ECI2: variants seen among roughly 807,000 people sequenced by gnomAD.
The protein encoded by ECI2 is D3,D2-enoyl-CoA isomerase.
ECI2 carries 27 observed loss-of-function variants against 38.4 expected under a neutral mutation model. That is an observed-to-expected ratio of 0.70 (90% CI 0.52 to 0.97). ECI2 has a LOEUF of 0.97. Ranked by LOEUF, ECI2 falls within the 50% of genes least tolerant of loss-of-function variation. The pLI is 0.00. For missense variants in ECI2, 470 were observed against 474.4 expected (o/e 0.99, Z 0.09); for synonymous variants, 168 against 172.0 (o/e 0.98, Z 0.18).
At chr6:4,130,898 G>A in intron 2 of ECI2, 33 bp from the exon 3 acceptor site, 4 of 1,598,882 alleles carry the variant, frequency 2.5e-6, no homozygotes, top group South Asian at 2.2e-5. Flanking sequence ...ATGTTCAAAT[G>A]TCCATGTAAA....
rs950357544 is a variant in ECI2, at chr6:4,130,368, T to A, written c.501+4A>T. 1.2e-6 allele frequency: 2 copies of A among 1,614,194 alleles called. No homozygotes were observed. Among genetic ancestry groups the A allele is most frequent in the Non-Finnish European group, 8.5e-7 (1 of 1,180,014 alleles). On this transcript the variant is annotated splice_donor_region_variant and intron_variant, in intron 4 of 9. Coordinates refer to ENST00000380118, the MANE Select transcript of ECI2 (RefSeq NM_206836.3). Reference sequence around the variant, plus strand: ...GGACAAACTCCGTGGGCAGGTAACATTACCTCAGTGTTTATGGCATTTTTC... The same window carrying A: ...GGACAAACTCCGTGGGCAGGTAACAATACCTCAGTGTTTATGGCATTTTTC...
chr6:4,119,123 T>C, intron 8 of ECI2, 63 bp downstream of exon 8: 3 of 1,328,108 alleles, frequency 2.3e-6, no homozygotes, highest in South Asian at 2.5e-5. Context: ...GTATATGAGA[T>C]TACTCTTCCT....
chr6:4,129,757 C>A lies in ECI2; in HGVS notation c.501+615G>T, dbSNP rs371285863. 4.1e-4 allele frequency among the ~76,000 whole-genome samples: 63 copies of A among 152,214 alleles called. No individual in the cohort carries two copies. The South Asian group carries it at 0.011, about 28-fold the overall frequency. On this transcript the variant is annotated intron_variant, in intron 4 of 9. Coordinates refer to ENST00000380118, the MANE Select transcript of ECI2 (RefSeq NM_206836.3). The stretch of plus-strand genomic sequence containing the variant: ...CAATGGAGGTTATTGACCCAATGGT[C>A]ATAGTCCTCTGAAATTTTAGTCCCA...
chr6:4,135,330 G>A, intron 1 of ECI2, 181 bp downstream of exon 1: 1 of 1,462,596 alleles, frequency 6.8e-7, no homozygotes, highest in Non-Finnish European at 9.1e-7. Flanking sequence ...GCCCAGCGGT[G>A]CAGGAGGGCG....
At chr6:4,128,463 C>T (rs1773318603) in intron 4 of ECI2, among the ~76,000 whole-genome samples, 2 of 152,144 alleles carry the variant, frequency 1.3e-5, no homozygotes, top group South Asian at 4.2e-4. Flanking sequence ...AAAACAGGTG[C>T]AATTTCAACC....
chr6:4,134,925 C>A lies in ECI2; in HGVS notation c.50+586G>T, dbSNP rs557538624. On this transcript the variant is annotated intron_variant, in intron 1 of 9. Coordinates refer to ENST00000380118, the MANE Select transcript of ECI2 (RefSeq NM_206836.3). ...TCGGGAAAATCACTCATAATTCTAC[C>A]ACTTCAAGGCCACCACCGTGTTTCG... 7.2e-5 allele frequency among the ~76,000 whole-genome samples: 11 copies of A among 152,280 alleles called. 1 individual carries two copies. Among genetic ancestry groups the A allele is most frequent in the African/African-American group, 2.6e-4 (11 of 41,546 alleles).
intron 1 of ECI2, 82 bp from the exon 2 acceptor site, chr6:4,133,793 C>T (rs1471018801): frequency 1.4e-6 from 2 of 1,450,906 alleles, no homozygotes; most frequent in Non-Finnish European, 9.1e-7. Flanking sequence ...CCAGCCTATA[C>T]ATAACAAAAT....
At chr6:4,135,318 G>T (rs531180504) in intron 1 of ECI2, 193 bp downstream of exon 1, 1 of 1,444,184 alleles carries the variant, frequency 6.9e-7, no homozygotes, top group South Asian at 1.3e-5. Context: ...TGACCACTCC[G>T]GGCCCAGCGG....
chr6:4,131,626 G>A (rs1395600425), intron 2 of ECI2, among the ~76,000 whole-genome samples: 1 of 152,172 alleles, frequency 6.6e-6, no homozygotes, highest in East Asian at 1.9e-4. Flanking sequence ...GGAGGCTGAG[G>A]TGGGTGGATC....
chr6:4,119,192 T>A lies in ECI2; in HGVS notation c.879A>T (p.Pro293=). ...TAAACATTCCAAAAGTTACCTTGGC[T>A]GGGCTCATTATCTTCGGAAAAGTGT... ...SSYTFPKIMS[P]AKATEMLIFG... Residue 293 remains proline, a synonymous_variant, in exon 8 of 10, where the codon CCA becomes CCT. Transcript: ENST00000380118. The A allele has an allele frequency of 6.2e-7, 1 of 1,612,094 alleles. No homozygotes were observed. The highest frequency in any genetic ancestry group is 1.1e-5 in the South Asian group (1 of 90,512).
rs549658795 is a variant in ECI2 at position 4,129,573 on chromosome 6, T to A, written c.501+799A>T. Among the ~76,000 whole-genome samples, 12 of 152,332 alleles carry A rather than the reference T, an allele frequency of 7.9e-5. 1 individual carries two copies. Among genetic ancestry groups the A allele is most frequent in the African/African-American group, 2.6e-4 (11 of 41,574 alleles). The stretch of plus-strand genomic sequence containing the variant: ...GAGAGTGCTGGCACTCATTAGACAC[T>A]CTGTACAGAGTAGCTATTATTATTA... On this transcript the variant is annotated intron_variant, in intron 4 of 9. Coordinates refer to ENST00000380118, the MANE Select transcript of ECI2 (RefSeq NM_206836.3).
intron 7 of ECI2, among the ~76,000 whole-genome samples, chr6:4,123,213 G>C (rs1772921142): frequency 6.6e-6 from 1 of 151,688 alleles, no homozygotes; most frequent in Admixed American, 6.6e-5. Context: ...GTCTCGCTCT[G>C]TCACCTAGGC....
chr6:4,121,880 C>A, intron 7 of ECI2: 1 of 818,180 alleles, frequency 1.2e-6, no homozygotes, highest in South Asian at 2.0e-5. Context: ...GCAGCATATA[C>A]ATAAAAATAA....
Position 4,119,552 on chromosome 6 carries a change from C to T in ECI2, c.796-277G>A, listed in dbSNP as rs1203868015. 2.0e-5 allele frequency among the ~76,000 whole-genome samples: 3 copies of T among 152,096 alleles called. No individual in the cohort carries two copies. The East Asian group carries it at 5.8e-4, about 29-fold the overall frequency. ...GCCAGGTTGGTTTCAAACTTCTTAC[C>T]TCAGGTGATCCACCTGCCTCGGCCT... On this transcript the variant is annotated intron_variant, in intron 7 of 9. Transcript: ENST00000380118.
chr6:4,134,992 C>A (rs917892527), intron 1 of ECI2: 3 of 388,604 alleles, frequency 7.7e-6, no homozygotes, highest in Non-Finnish European at 1.6e-5. Flanking sequence ...TTCCCGGGAC[C>A]CCAGGGAGGT....
rs1773450206 is a variant in ECI2 at position 4,130,510 on chromosome 6, T to C, written c.363A>G (p.Ser121=). 2 of 1,614,128 alleles carry C rather than the reference T, an allele frequency of 1.2e-6. No homozygotes were observed. Among genetic ancestry groups the C allele is most frequent in the African/African-American group, 2.7e-5 (2 of 74,938 alleles). ...YVDLVSSLSP[S]LESSSQVEPG... Reference sequence around the variant, plus strand: ...GCTCCACCTGACTAGAGGATTCCAATGAAGGACTCAAACTGGACACCAAAT... The same window carrying C: ...GCTCCACCTGACTAGAGGATTCCAACGAAGGACTCAAACTGGACACCAAAT... The change falls in exon 4 of 10, where the codon TCA becomes TCG. Residue 121 remains serine (S), a synonymous_variant. Coordinates refer to ENST00000380118, the MANE Select transcript of ECI2 (RefSeq NM_206836.3).
intron 4 of ECI2, 59 bp downstream of exon 4, chr6:4,130,313 G>A: frequency 1.2e-6 from 2 of 1,613,850 alleles, no homozygotes; most frequent in Non-Finnish European, 1.7e-6. Context: ...CAGCTTTTGT[G>A]TGAAACACAT....
chr6:4,117,645 G>A lies in ECI2; in HGVS notation c.886-194C>T, dbSNP rs1028495843. On this transcript the variant is annotated intron_variant, in intron 8 of 9. Coordinates refer to ENST00000380118, the MANE Select transcript of ECI2 (RefSeq NM_206836.3). ...GTGTGCTGAGACAGGCTCCTGGGAA[G>A]GTCTATAAGGGCTGCTGCTTCTGTG... 2.2e-5 allele frequency: 13 copies of A among 597,968 alleles called. No homozygotes were observed. In the Admixed American group the frequency reaches 4.3e-4, roughly 20 times the overall value. 37.0% of individuals were successfully genotyped at this position (597,968 alleles called of 1,614,324 possible).
intron 4 of ECI2, among the ~76,000 whole-genome samples, chr6:4,129,605 T>C (rs1296533042): frequency 1.3e-5 from 2 of 152,196 alleles, no homozygotes; most frequent in Non-Finnish European, 1.5e-5. Flanking sequence ...ATTATAGTTG[T>C]AGAGAAATGA....
Sources: allele counts gnomAD v4.1 joint callset (sites outside exome capture counted in the v4.1 genomes callset), GRCh38; gene constraint gnomAD v4.1.1; transcripts MANE v1.5; gene names NCBI Gene and HGNC (gene_info 2026-07-23, HGNC 2026-07-21).